The following CRTAC1 variants were observed in gnomAD, a reference collection of about 807,000 sequenced individuals.
The protein encoded by CRTAC1 is acidic secreted protein in cartilage.
Under a neutral mutation model 67.8 loss-of-function variants are expected in CRTAC1, and 37 were observed. The observed-to-expected ratio is 0.55, with a 90% CI of 0.42 to 0.72. CRTAC1 has a LOEUF of 0.72. Ranked by LOEUF, CRTAC1 falls within the 30% of genes least tolerant of loss-of-function variation. The pLI is 0.00. For missense variants in CRTAC1, 780 were observed against 931.6 expected (o/e 0.84, Z 2.12); for synonymous variants, 348 against 371.0 (o/e 0.94, Z 0.71).
intron 2 of CRTAC1, among the ~76,000 whole-genome samples, chr10:97,944,734 C>A (rs564832584): frequency 6.6e-6 from 1 of 152,120 alleles, no homozygotes; most frequent in Non-Finnish European, 1.5e-5. Context: ...CTGAGCCTAG[C>A]CTGCAAGGGG....
intron 2 of CRTAC1, among the ~76,000 whole-genome samples, chr10:97,968,092 G>A (rs2051647822): frequency 6.6e-6 from 1 of 152,140 alleles, no homozygotes; most frequent in South Asian, 2.1e-4. Context: ...AGCTCAAAAA[G>A]GTTTTAAATT....
At chr10:98,017,717 G>A (rs1205100668) in intron 1 of CRTAC1, among the ~76,000 whole-genome samples, 1 of 133,912 alleles carries the variant, frequency 7.5e-6, no homozygotes, top group African/African-American at 2.8e-5. Flanking sequence ...TTTTTTTTTT[G>A]GTGGAGATGG....
intron 11 of CRTAC1, among the ~76,000 whole-genome samples, chr10:97,891,894 C>T (rs987768677): frequency 6.6e-6 from 1 of 152,242 alleles, no homozygotes; most frequent in Non-Finnish European, 1.5e-5. Flanking sequence ...TGCTGAGGCG[C>T]CTCGTGACCC....
At chr10:97,879,117 T>C (rs2050179567) in intron 14 of CRTAC1, among the ~76,000 whole-genome samples, 1 of 152,228 alleles carries the variant, frequency 6.6e-6, no homozygotes. Flanking sequence ...AGAGAGTTTA[T>C]TGGCATAATT....
chr10:97,971,551 G>A (rs992555379), intron 2 of CRTAC1, among the ~76,000 whole-genome samples: 1 of 152,222 alleles, frequency 6.6e-6, no homozygotes, highest in African/African-American at 2.4e-5. Context: ...TTACAGTTTG[G>A]AAAGATGAAA....
intron 2 of CRTAC1, among the ~76,000 whole-genome samples, chr10:97,939,106 C>A (rs1366918427): frequency 6.6e-6 from 1 of 152,168 alleles, no homozygotes; most frequent in Non-Finnish European, 1.5e-5. Flanking sequence ...TCCCCTGCAC[C>A]CCTGCCCGTT....
intron 4 of CRTAC1, among the ~76,000 whole-genome samples, chr10:97,918,509 CAATT>C (rs2050790579): frequency 6.6e-6 from 1 of 152,196 alleles, no homozygotes; most frequent in Admixed American, 6.5e-5. Flanking sequence ...CACTTCCCTC[CAATT>C]AATTGGACAG....
chr10:97,977,982 A>G (rs1393281486), intron 2 of CRTAC1, among the ~76,000 whole-genome samples: 2 of 152,218 alleles, frequency 1.3e-5, no homozygotes, highest in Non-Finnish European at 2.9e-5. Context: ...TTATATCAGT[A>G]TCTGAAAGAA....
At chr10:97,934,870 G>A (rs1284511598) in intron 3 of CRTAC1, among the ~76,000 whole-genome samples, 1 of 150,526 alleles carries the variant, frequency 6.6e-6, no homozygotes, top group Non-Finnish European at 1.5e-5. Context: ...TGTGACCTGG[G>A]ACTTCCGCAG....
At chr10:97,973,043 G>A (rs547448795) in intron 2 of CRTAC1, among the ~76,000 whole-genome samples, 1 of 152,250 alleles carries the variant, frequency 6.6e-6, no homozygotes, top group East Asian at 1.9e-4. Flanking sequence ...TAGATGTAAC[G>A]AAACAGTGTC....
chr10:97,931,464 T>A (rs1341526823), intron 3 of CRTAC1, among the ~76,000 whole-genome samples: 1 of 152,196 alleles, frequency 6.6e-6, no homozygotes, highest in Non-Finnish European at 1.5e-5. Flanking sequence ...GAGGACCAAT[T>A]AAATTAATGG....
chr10:97,884,129 G>A, intron 12 of CRTAC1, 77 bp downstream of exon 12: 2 of 1,494,940 alleles, frequency 1.3e-6, no homozygotes, highest in Non-Finnish European at 1.8e-6. Context: ...GCAGATTCCT[G>A]GGAACCCAGC....
intron 7 of CRTAC1, 50 bp from the exon 8 acceptor site, chr10:97,901,689 G>T: frequency 6.2e-7 from 1 of 1,609,100 alleles, no homozygotes; most frequent in Non-Finnish European, 8.5e-7. Context: ...GGCTGGGGCG[G>T]GAGGCCAGCT....
At chr10:97,967,227 T>C (rs1372908797) in intron 2 of CRTAC1, among the ~76,000 whole-genome samples, 1 of 152,244 alleles carries the variant, frequency 6.6e-6, no homozygotes, top group Non-Finnish European at 1.5e-5. Context: ...TATAATCCAA[T>C]ACAACTTTAT....
intron 3 of CRTAC1, among the ~76,000 whole-genome samples, chr10:97,932,571 A>T (rs1338154945): frequency 6.6e-6 from 1 of 152,142 alleles, no homozygotes; most frequent in Non-Finnish European, 1.5e-5. Context: ...CTCAGGAAAG[A>T]TCTCACTGGA....
intron 2 of CRTAC1, among the ~76,000 whole-genome samples, chr10:97,999,722 C>T (rs1453443366): frequency 6.6e-6 from 1 of 152,208 alleles, no homozygotes; most frequent in East Asian, 1.9e-4. Flanking sequence ...CTTGTGGTGC[C>T]TTTTCTGGGC....
intron 5 of CRTAC1, among the ~76,000 whole-genome samples, chr10:97,914,882 C>T (rs2050736617): frequency 6.6e-6 from 1 of 152,186 alleles, no homozygotes; most frequent in Admixed American, 6.5e-5. Context: ...CGCTTGGCCA[C>T]CCTCCCGGGG....
At chr10:97,952,746 T>C (rs1364787019) in intron 2 of CRTAC1, among the ~76,000 whole-genome samples, 2 of 152,088 alleles carry the variant, frequency 1.3e-5, no homozygotes, top group African/African-American at 4.8e-5. Flanking sequence ...GTGCTTTGAG[T>C]CTAGTACAAA....
chr10:98,013,309 CA>C (rs1842941953), intron 1 of CRTAC1, among the ~76,000 whole-genome samples: 1 of 152,226 alleles, frequency 6.6e-6, no homozygotes, highest in Non-Finnish European at 1.5e-5. Context: ...ACCACATCTG[CA>C]ATTTGGGTCA....
Sources: gnomAD v4.1 joint callset for allele counts (sites outside exome capture counted in the v4.1 genomes callset) on GRCh38, gnomAD v4.1.1 for gene constraint, MANE v1.5 for transcripts, NCBI Gene and HGNC (gene_info 2026-07-23, HGNC 2026-07-21) for gene names.